The following MYH13 variants were observed in gnomAD, a reference collection of about 807,000 sequenced individuals.
MYH13 encodes myosin-13.
Under a neutral mutation model 232.1 loss-of-function variants are expected in MYH13, and 177 were observed. That is an observed-to-expected ratio of 0.76 (90% CI 0.67 to 0.86). The LOEUF is 0.86. Among genes scored for constraint, MYH13 ranks in the 40% least tolerant of loss-of-function variants. MYH13 has a pLI of 0.00. For synonymous variants in MYH13, 884 were observed against 923.5 expected, an observed-to-expected ratio of 0.96 and a Z score of 0.78; for missense variants, 2,246 against 2,405.9, an observed-to-expected ratio of 0.93 and a Z score of 1.39.
chr17:10,360,308 C>T (rs2071782253), intron 5 of MYH13, 120 bp from the exon 6 acceptor site: 1 of 1,191,316 alleles, frequency 8.4e-7, no homozygotes, highest in African/African-American at 1.5e-5. Context: ...CCATTAACCA[C>T]TGGTATGATT....
Position 10,369,162 on chromosome 17 carries a change from A to C in MYH13, c.-13+2047T>G, listed in dbSNP as rs187558037. ...GCCATCAATTATAACTTCCACAAAT[A>C]AAAAAATGCAGCTAATTTAAACTGC... is the stretch of plus-strand genomic sequence containing the variant. On this transcript the variant is annotated intron_variant, in intron 2 of 40. Transcript: ENST00000252172. 4.6e-5 allele frequency among the ~76,000 whole-genome samples: 5 copies of C among 107,708 alleles called. No homozygotes were observed. The East Asian group carries it at 7.7e-4, about 17-fold the overall frequency. 70.7% of individuals were successfully genotyped at this position (107,708 alleles called of 152,430 possible).
At chr17:10,330,268 G>A in intron 21 of MYH13, 119 bp downstream of exon 21, 19 of 1,417,796 alleles carry the variant, frequency 1.3e-5, no homozygotes, top group Non-Finnish European at 1.8e-5. Flanking sequence ...GTAGATGTGG[G>A]TTAAACAAAT....
chr17:10,350,685 C>T lies in MYH13; in HGVS notation c.1015G>A (p.Asp339Asn). The change falls in exon 12 of 41, where the codon GAC (aspartate) becomes AAC (asparagine). Residue 339 changes from aspartate to asparagine, a missense_variant. Transcript: ENST00000252172. Reference sequence around the variant, plus strand: ...TCCTCTGAGCTGAAGCCCAGGATGTCAATGGCATTCTGGAAAGAAAAAAAG... The same window carrying T: ...TCCTCTGAGCTGAAGCCCAGGATGTTAATGGCATTCTGGAAAGAAAAAAAG... ...EELLATDNAIDILGFSSEEKV... is the reference protein window; with the variant it reads ...EELLATDNAINILGFSSEEKV... 6.2e-7 allele frequency: 1 copy of T among 1,613,664 alleles called. No homozygotes were observed. Among genetic ancestry groups the T allele is most frequent in the Non-Finnish European group, 8.5e-7 (1 of 1,179,904 alleles).
intron 5 of MYH13, among the ~76,000 whole-genome samples, chr17:10,360,913 A>G (rs1727017853): frequency 1.3e-5 from 2 of 152,186 alleles, no homozygotes; most frequent in Admixed American, 6.5e-5. Flanking sequence ...CAAATAAAAA[A>G]CAACAAAGAT....
chr17:10,307,381 A>G (rs1906329942), intron 35 of MYH13, among the ~76,000 whole-genome samples: 2 of 152,236 alleles, frequency 1.3e-5, no homozygotes, highest in Admixed American at 1.3e-4. Context: ...ACTATATGAA[A>G]TGAAAAATAA....
At chr17:10,332,373 AT>A (rs1907439335) in intron 19 of MYH13, among the ~76,000 whole-genome samples, 151 bp from the exon 20 acceptor site, 1 of 152,164 alleles carries the variant, frequency 6.6e-6, no homozygotes, top group Admixed American at 6.5e-5. Context: ...CTAGGGACTG[AT>A]TCTAGCAAGG....
chr17:10,312,076 C>G lies in MYH13; in HGVS notation c.4366G>C (p.Val1456Leu), dbSNP rs750136726. The stretch of plus-strand genomic sequence containing the variant: ...AGCTTTTGCTTCCACTCTGCAAGGA[C>G]CTGGGAGATGACAAAGGGACATGGG... ...LDKKQRNFDK[V>L]LAEWKQKLDE... The change falls in exon 32 of 41, where the codon GTC becomes CTC. Residue 1456 changes from valine (V) to leucine (L), a missense_variant and splice_region_variant. Coordinates refer to ENST00000252172, the MANE Select transcript of MYH13 (RefSeq NM_003802.3). The G allele has an allele frequency of 8.7e-6, 14 of 1,613,520 alleles. No homozygotes were observed. In the South Asian group the frequency reaches 1.5e-4, roughly 18 times the overall value.
At chr17:10,335,730 G>C (rs771973238) in intron 18 of MYH13, among the ~76,000 whole-genome samples, 1 of 152,018 alleles carries the variant, frequency 6.6e-6, no homozygotes, top group Non-Finnish European at 1.5e-5. Flanking sequence ...ACTCCAGCCT[G>C]AGCGACAGAG....
rs771295641 is a variant in MYH13, at chr17:10,312,013, C to T, written c.4429G>A (p.Glu1477Lys). 1.2e-6 allele frequency: 2 copies of T among 1,614,014 alleles called. No homozygotes were observed. The highest frequency in any genetic ancestry group is 1.7e-6 in the Non-Finnish European group (2 of 1,179,894). Reference protein sequence around the residue: ...SQAELEAAQKESRSLSTELFK... With the variant: ...SQAELEAAQKKSRSLSTELFK... ...AGTTCAGTGCTGAGTGACCTGGACT[C>T]CTTCTGAGCAGCTTCCAACTCAGCC... The change falls in exon 32 of 41, where the codon GAG (glutamate) becomes AAG (lysine). Residue 1477 changes from glutamate to lysine, a missense_variant. By Grantham distance (56) the Glu-to-Lys change is moderately conservative. Transcript: ENST00000252172.
intron 30 of MYH13, 137 bp downstream of exon 30, chr17:10,313,021 G>A: frequency 7.3e-7 from 1 of 1,372,328 alleles, no homozygotes; most frequent in Admixed American, 2.2e-5. Context: ...GACCCCCAGA[G>A]GGTGGGGGGT....
At chr17:10,372,241 A>G (rs978582881) in intron 1 of MYH13, among the ~76,000 whole-genome samples, 1 of 152,324 alleles carries the variant, frequency 6.6e-6, no homozygotes, top group East Asian at 1.9e-4. Context: ...AAATTCTAAT[A>G]TCAGTTCTGT....
intron 27 of MYH13, among the ~76,000 whole-genome samples, chr17:10,317,087 A>C (rs1395419088): frequency 6.6e-6 from 1 of 152,162 alleles, no homozygotes; most frequent in Non-Finnish European, 1.5e-5. Flanking sequence ...CTTCCCCTGG[A>C]TGTTAAAATT....
chr17:10,324,350 T>A, intron 22 of MYH13, 86 bp from the exon 23 acceptor site: 7 of 1,529,936 alleles, frequency 4.6e-6, no homozygotes, highest in Non-Finnish European at 6.2e-6. Context: ...AAGCTTATTA[T>A]CTACACCTAA....
At position 10,357,834 on chromosome 17, in the gene MYH13, A is replaced by C; in HGVS notation, c.646-7T>G. The C allele has an allele frequency of 2.5e-6, 4 of 1,610,420 alleles. No homozygotes were observed. Among genetic ancestry groups the C allele is most frequent in the Non-Finnish European group, 3.4e-6 (4 of 1,177,850 alleles). ...TCTGATCCTCTAGGGTTCCCTAATAATAAACAAGAAGAGGAAAAAGAGGAC... is the reference window on the plus strand; with the variant it reads ...TCTGATCCTCTAGGGTTCCCTAATACTAAACAAGAAGAGGAAAAAGAGGAC... On this transcript the variant is annotated splice_region_variant and splice_polypyrimidine_tract_variant and intron_variant, in intron 7 of 40. Transcript: ENST00000252172.
At chr17:10,333,337 G>A in intron 18 of MYH13, 146 bp from the exon 19 acceptor site, 1 of 642,902 alleles carries the variant, frequency 1.6e-6, no homozygotes, top group Non-Finnish European at 2.8e-6. Context: ...AAGGTAGAGG[G>A]CTGGGGGTGG....
At chr17:10,348,682 T>C (rs2071686118) in intron 12 of MYH13, among the ~76,000 whole-genome samples, 1 of 152,094 alleles carries the variant, frequency 6.6e-6, no homozygotes, top group Non-Finnish European at 1.5e-5. Flanking sequence ...CTGAGGAGCC[T>C]GATACTCTTT....
At chr17:10,337,462 C>G (rs1180500932) in intron 18 of MYH13, among the ~76,000 whole-genome samples, 3 of 152,130 alleles carry the variant, frequency 2.0e-5, no homozygotes, top group African/African-American at 7.2e-5. Context: ...TTTGGGAGAA[C>G]AACTAGCAAG....
chr17:10,303,051 G>A, intron 39 of MYH13, 145 bp downstream of exon 39: 1 of 689,948 alleles, frequency 1.4e-6, no homozygotes, highest in Non-Finnish European at 2.6e-6. Flanking sequence ...GAGAGGAAGA[G>A]GGCAGTTGTC....
At chr17:10,353,369 T>C (rs1166326415) in intron 11 of MYH13, among the ~76,000 whole-genome samples, 1 of 152,216 alleles carries the variant, frequency 6.6e-6, no homozygotes, top group East Asian at 1.9e-4. Context: ...AAACAATTAT[T>C]ATCAGCTGGA....
Sources: allele counts gnomAD v4.1 joint callset (sites outside exome capture counted in the v4.1 genomes callset), GRCh38; gene constraint gnomAD v4.1.1; transcripts MANE v1.5; gene names NCBI Gene and HGNC (gene_info 2026-07-23, HGNC 2026-07-21).